STAU1: variants seen among roughly 807,000 people sequenced by gnomAD.
STAU1 encodes the protein double-stranded RNA-binding protein Staufen homolog 1.
STAU1 carries 13 observed loss-of-function variants against 62.9 expected under a neutral mutation model. The observed-to-expected ratio is 0.21, with a 90% CI of 0.13 to 0.33. The LOEUF (loss-of-function observed/expected upper bound fraction) is 0.33, where lower values mean the gene tolerates loss of function less well. Ranked by LOEUF, STAU1 falls within the 10% of genes least tolerant of loss-of-function variation. The pLI, the probability that STAU1 is intolerant of heterozygous loss-of-function variation, is 1.00. For synonymous variants in STAU1, 269 were observed against 265.1 expected (o/e 1.01, Z -0.14); for missense variants, 571 against 712.1 (o/e 0.80, Z 2.25).
chr20:49,204,607 TA>T, the STAU1 span, among the ~76,000 whole-genome samples: 1 of 65,388 alleles, frequency 1.5e-5, no homozygotes, highest in Non-Finnish European at 3.1e-5. Context: ...TATATATATA[TA>T]TATATATATA....
chr20:49,164,759 C>T (rs879684104), intron 3 of STAU1, among the ~76,000 whole-genome samples: 3 of 151,818 alleles, frequency 2.0e-5, no homozygotes, highest in Non-Finnish European at 2.9e-5. Context: ...ATAGAGACCC[C>T]GTGAAACAAA....
At chr20:49,216,740 G>A in the STAU1 span, among the ~76,000 whole-genome samples, 3 of 152,030 alleles carry the variant, frequency 2.0e-5, no homozygotes, top group Admixed American at 1.3e-4. Flanking sequence ...GACATGGGAC[G>A]TGGCAGGGAA....
the STAU1 span, among the ~76,000 whole-genome samples, chr20:49,217,235 T>C: frequency 1.3e-5 from 2 of 151,616 alleles, no homozygotes; most frequent in Admixed American, 6.6e-5. Flanking sequence ...GAATGCGAAA[T>C]AGAACAAGAC....
intron 5 of STAU1, among the ~76,000 whole-genome samples, chr20:49,141,743 A>G (rs1294303103): frequency 6.6e-6 from 1 of 151,652 alleles, no homozygotes; most frequent in Non-Finnish European, 1.5e-5. Flanking sequence ...AAAAATACAG[A>G]AAGTAGCCGG....
the STAU1 span, among the ~76,000 whole-genome samples, chr20:49,207,745 C>T: frequency 1.1e-4 from 16 of 151,756 alleles, no homozygotes; most frequent in Middle Eastern, 3.4e-3. Flanking sequence ...TGGTCTCAAA[C>T]GGCTGACCTC....
At chr20:49,158,846 T>C (rs1210712188) in intron 3 of STAU1, 14 of 910,378 alleles carry the variant, frequency 1.5e-5, no homozygotes, top group Non-Finnish European at 2.1e-5. Context: ...ATGCCTGTAA[T>C]CCCAGCAGAT....
the STAU1 span, among the ~76,000 whole-genome samples, chr20:49,206,824 C>T: frequency 8.9e-5 from 13 of 146,768 alleles, no homozygotes. Context: ...GGCATGATCT[C>T]AGCTCACTGA....
intron 6 of STAU1, among the ~76,000 whole-genome samples, chr20:49,125,615 G>A (rs1040579094): frequency 6.6e-6 from 1 of 151,706 alleles, no homozygotes; most frequent in Non-Finnish European, 1.5e-5. Flanking sequence ...GGGAGGCCGA[G>A]GCAGGTGGAT....
chr20:49,132,977 C>A (rs1419770300), intron 6 of STAU1, among the ~76,000 whole-genome samples: 1 of 152,166 alleles, frequency 6.6e-6, no homozygotes, highest in Non-Finnish European at 1.5e-5. Context: ...AAAGGAAAGA[C>A]CTTGCTCAAC....
At chr20:49,182,856 T>A (rs482058) in intron 1 of STAU1, among the ~76,000 whole-genome samples, 106,703 of 145,822 alleles carry the variant, frequency 0.73, 39,755 homozygotes, top group African/African-American at 0.87. Flanking sequence ...AAAAAAAAAA[T>A]AGTAGACGGT....
chr20:49,136,549 G>T (rs908154484), intron 5 of STAU1, among the ~76,000 whole-genome samples: 1 of 152,200 alleles, frequency 6.6e-6, no homozygotes, highest in African/African-American at 2.4e-5. Flanking sequence ...CTGCTGCTCG[G>T]AACAGTGACT....
upstream of STAU1, among the ~76,000 whole-genome samples, chr20:49,191,679 G>A (rs181824039): frequency 7.2e-3 from 1,090 of 152,258 alleles, 6 homozygotes; most frequent in Non-Finnish European, 0.013. Flanking sequence ...GCCTAAATAA[G>A]TAATTCCCAA....
intron 13 of STAU1, 116 bp downstream of exon 13, chr20:49,115,666 C>A: frequency 1.1e-6 from 1 of 929,920 alleles, no homozygotes; most frequent in African/African-American, 1.6e-5. Flanking sequence ...GGCAAAAGGG[C>A]CAGAAAGTAA....
upstream of STAU1, among the ~76,000 whole-genome samples, chr20:49,192,345 C>CAAAAAAAAAAAA (rs575816817): frequency 4.4e-5 from 3 of 67,576 alleles, no homozygotes; most frequent in Admixed American, 1.6e-4. Flanking sequence ...GACTCCATCT[C>CAAAAAAAAAAAA]AAAAAAAAAA....
chr20:49,156,930 G>A (rs1307765441), intron 3 of STAU1, among the ~76,000 whole-genome samples: 6 of 151,422 alleles, frequency 4.0e-5, no homozygotes, highest in Non-Finnish European at 8.8e-5. Flanking sequence ...AGGTTAGAGT[G>A]CAGTGGTGTG....
chr20:49,200,912 G>A, the STAU1 span, among the ~76,000 whole-genome samples: 4 of 151,270 alleles, frequency 2.6e-5, no homozygotes, highest in Non-Finnish European at 5.9e-5. Flanking sequence ...GGTGGTGCAC[G>A]CCTGTAGTCT....
chr20:49,143,584 C>A (rs952169578), intron 5 of STAU1, among the ~76,000 whole-genome samples: 1 of 152,114 alleles, frequency 6.6e-6, no homozygotes, highest in Non-Finnish European at 1.5e-5. Flanking sequence ...CAGAGGAAGA[C>A]CCTATTTCAA....
chr20:49,135,145 T>G lies in STAU1; in HGVS notation c.609+688A>C, dbSNP rs1034434950. On this transcript the variant is annotated intron_variant, in intron 6 of 13. Transcript: ENST00000371856. ...AAGAGCATGTCTTTACTTGAAAAACTCTTGATCAAGAATTTGGGTGGGAGA... is the reference window on the plus strand; with the variant it reads ...AAGAGCATGTCTTTACTTGAAAAACGCTTGATCAAGAATTTGGGTGGGAGA... 4 of 766,722 alleles carry G rather than the reference T, an allele frequency of 5.2e-6. No homozygotes were observed. The African/African-American group carries it at 6.9e-5, about 13-fold the overall frequency. 47.5% of individuals were successfully genotyped at this position (766,722 alleles called of 1,614,324 possible).
chr20:49,154,291 G>T (rs1042583298), intron 3 of STAU1, among the ~76,000 whole-genome samples: 6 of 152,106 alleles, frequency 3.9e-5, no homozygotes, highest in Non-Finnish European at 7.3e-5. Context: ...TACTCTGAGG[G>T]TTACCAGAGG....
Sources: gnomAD v4.1 joint callset for allele counts (sites outside exome capture counted in the v4.1 genomes callset) on GRCh38, gnomAD v4.1.1 for gene constraint, MANE v1.5 for transcripts, NCBI Gene and HGNC (gene_info 2026-07-23, HGNC 2026-07-21) for gene names.